The following KIRREL1 variants were observed in gnomAD, a reference collection of about 807,000 sequenced individuals.
The protein encoded by KIRREL1 is kirre like nephrin family adhesion molecule 1.
Under a neutral mutation model 83.3 loss-of-function variants are expected in KIRREL1, and 25 were observed. The ratio of observed to expected loss-of-function variants is 0.30; its 90% confidence interval spans 0.22 to 0.42. The LOEUF (loss-of-function observed/expected upper bound fraction) is 0.42, where lower values mean the gene tolerates loss of function less well. Among genes scored for constraint, KIRREL1 ranks in the 10% least tolerant of loss-of-function variants. The probability of loss-of-function intolerance (pLI) is 1.00; values close to 1 mark genes in which losing one functional copy is unlikely to be tolerated. For synonymous variants in KIRREL1, 388 were observed against 410.4 expected (o/e 0.95, Z 0.66); for missense variants, 812 against 1,032.3 (o/e 0.79, Z 2.92).
At chr1:158,033,433 C>T (rs1660382740) in intron 1 of KIRREL1, among the ~76,000 whole-genome samples, 1 of 152,158 alleles carries the variant, frequency 6.6e-6, no homozygotes, top group South Asian at 2.1e-4. Context: ...AAGGAAACAT[C>T]GGGGCTTTCC....
At chr1:158,003,233 G>A (rs1445724823) in intron 1 of KIRREL1, among the ~76,000 whole-genome samples, 2 of 152,280 alleles carry the variant, frequency 1.3e-5, no homozygotes, top group African/African-American at 4.8e-5. Context: ...TAAAAGGAAA[G>A]GAGCAGAGAT....
At chr1:158,033,373 C>G (rs74229867) in intron 1 of KIRREL1, among the ~76,000 whole-genome samples, 2 of 152,174 alleles carry the variant, frequency 1.3e-5, no homozygotes, top group African/African-American at 2.4e-5. Flanking sequence ...TGCTAGGCCC[C>G]GACTCACATT....
chr1:158,022,006 G>A (rs1660014593), intron 1 of KIRREL1, among the ~76,000 whole-genome samples: 1 of 151,954 alleles, frequency 6.6e-6, no homozygotes, highest in Admixed American at 6.6e-5. Context: ...ATTGTAAGGG[G>A]AGAAAGAAAT....
At chr1:158,042,381 G>A (rs1431843333) in intron 1 of KIRREL1, among the ~76,000 whole-genome samples, 1 of 152,166 alleles carries the variant, frequency 6.6e-6, no homozygotes, top group Non-Finnish European at 1.5e-5. Flanking sequence ...TTCACTGGGA[G>A]GCAGCTAAGA....
At chr1:157,994,538 A>G (rs1021371744) in intron 1 of KIRREL1, among the ~76,000 whole-genome samples, 1 of 150,772 alleles carries the variant, frequency 6.6e-6, no homozygotes, top group Admixed American at 6.6e-5. Context: ...AGAGATGAGG[A>G]TGTCAGTGTA....
At chr1:157,997,915 T>C (rs1659249692) in intron 1 of KIRREL1, among the ~76,000 whole-genome samples, 1 of 152,234 alleles carries the variant, frequency 6.6e-6, no homozygotes. Context: ...AGGGTCTTGC[T>C]CTGCTGCCCA....
intron 1 of KIRREL1, among the ~76,000 whole-genome samples, chr1:158,037,851 C>A (rs942776433): frequency 6.6e-6 from 1 of 152,224 alleles, no homozygotes; most frequent in African/African-American, 2.4e-5. Context: ...GTCTCCTTTC[C>A]TCCCCAGATT....
At chr1:158,011,682 C>T (rs945181666) in intron 1 of KIRREL1, among the ~76,000 whole-genome samples, 1 of 152,136 alleles carries the variant, frequency 6.6e-6, no homozygotes, top group Non-Finnish European at 1.5e-5. Context: ...CTCTCTCCTT[C>T]CCTGGGCCAC....
intron 1 of KIRREL1, among the ~76,000 whole-genome samples, chr1:158,065,421 C>G (rs1465995958): frequency 6.6e-6 from 1 of 152,100 alleles, no homozygotes; most frequent in East Asian, 1.9e-4. Context: ...AGGTGTCGTG[C>G]CCAGAGGGGA....
chr1:158,078,734 T>G (rs1570985482), intron 3 of KIRREL1, among the ~76,000 whole-genome samples: 1 of 141,820 alleles, frequency 7.1e-6, no homozygotes, highest in African/African-American at 2.6e-5. Flanking sequence ...AAAACTGGGG[T>G]GAGGGGTGGG....
intron 1 of KIRREL1, among the ~76,000 whole-genome samples, chr1:158,017,983 G>A (rs1167522165): frequency 6.6e-6 from 1 of 152,136 alleles, no homozygotes; most frequent in African/African-American, 2.4e-5. Flanking sequence ...TGTGAAGGGG[G>A]AGGAGGAGGG....
At chr1:158,090,669 G>T (rs1362150193) in intron 10 of KIRREL1, among the ~76,000 whole-genome samples, 1 of 152,192 alleles carries the variant, frequency 6.6e-6, no homozygotes, top group African/African-American at 2.4e-5. Flanking sequence ...AGGGATGGAG[G>T]GGTCCAGGAA....
At position 158,094,126 on chromosome 1, in the gene KIRREL1, G is replaced by A. The variant is rs975616868; in HGVS notation, c.1720-187G>A. Among the ~76,000 whole-genome samples the A allele has an allele frequency of 6.6e-6, 1 of 152,144 alleles. No individual in the cohort carries two copies. The highest frequency in any genetic ancestry group is 2.4e-5 in the African/African-American group (1 of 41,432). ...CATGTTAGCAACCAAACTAGTGCTC[G>A]AACCAAGGTCTCTGGCCTCTTCCCA... On this transcript the variant is annotated intron_variant, in intron 13 of 14. Coordinates refer to ENST00000359209, the MANE Select transcript of KIRREL1 (RefSeq NM_018240.7). The surrounding 1 kb of genome is among the most constrained non-coding windows in gnomAD (Gnocchi z 4.6).
chr1:158,006,969 T>C (rs1459236593), intron 1 of KIRREL1, among the ~76,000 whole-genome samples: 1 of 152,190 alleles, frequency 6.6e-6, no homozygotes, highest in Non-Finnish European at 1.5e-5. Flanking sequence ...TCCCAAGAGA[T>C]AGCAGTGTAA....
chr1:158,061,511 G>T (rs574840844), intron 1 of KIRREL1, among the ~76,000 whole-genome samples: 2 of 152,292 alleles, frequency 1.3e-5, no homozygotes, highest in South Asian at 4.1e-4. Context: ...CCTACACCTG[G>T]ATGTGGGGTA....
chr1:158,069,433 C>T (rs1661449104), intron 1 of KIRREL1, among the ~76,000 whole-genome samples: 1 of 151,688 alleles, frequency 6.6e-6, no homozygotes, highest in African/African-American at 2.4e-5. Context: ...TGTTGTCCTC[C>T]CGGTCTTTGC....
chr1:158,033,406 C>G (rs1003853240), intron 1 of KIRREL1, among the ~76,000 whole-genome samples: 2 of 152,184 alleles, frequency 1.3e-5, no homozygotes, highest in African/African-American at 4.8e-5. Context: ...CACCACTATC[C>G]CCATGCCTCA....
chr1:158,000,977 G>A (rs1209407425), intron 1 of KIRREL1, among the ~76,000 whole-genome samples: 3 of 152,216 alleles, frequency 2.0e-5, no homozygotes. Flanking sequence ...CACCCAGAAT[G>A]CTGTGGGTCT....
At chr1:158,084,184 ATAT>A (rs766928387) in intron 3 of KIRREL1, among the ~76,000 whole-genome samples, 8 of 152,118 alleles carry the variant, frequency 5.3e-5, no homozygotes, top group South Asian at 2.1e-4. Context: ...GTACCAGAAA[ATAT>A]TATAGGCCAG....
Sources: gnomAD v4.1 joint callset for allele counts (sites outside exome capture counted in the v4.1 genomes callset) on GRCh38, gnomAD v4.1.1 for gene constraint, Gnocchi (gnomAD v3.1) non-coding constraint, MANE v1.5 for transcripts, NCBI Gene and HGNC (gene_info 2026-07-23, HGNC 2026-07-21) for gene names.